The following KCNU1 variants were observed in gnomAD, a reference collection of about 807,000 sequenced individuals.
KCNU1 encodes potassium channel subfamily U member 1.
A neutral mutation model predicts 126.8 loss-of-function variants in KCNU1; 93 were observed. The observed-to-expected ratio is 0.73, with a 90% CI of 0.62 to 0.87. The LOEUF is 0.87. KCNU1 is among the 40% of genes least tolerant of loss of function. The pLI is 0.00. For synonymous variants in KCNU1, 523 were observed against 494.2 expected (o/e 1.06, Z -0.77); for missense variants, 1,330 against 1,367.1 (o/e 0.97, Z 0.43).
intron 2 of KCNU1, among the ~76,000 whole-genome samples, chr8:36,802,611 G>C (rs1803352932): frequency 6.6e-6 from 1 of 152,144 alleles, no homozygotes; most frequent in Non-Finnish European, 1.5e-5. Flanking sequence ...AGGAGGGTGA[G>C]AAGTAGTGAG....
intron 20 of KCNU1, among the ~76,000 whole-genome samples, chr8:36,906,721 T>C (rs1402519364): frequency 6.6e-6 from 1 of 152,196 alleles, no homozygotes; most frequent in Admixed American, 6.6e-5. Flanking sequence ...TCAGTGCCAG[T>C]GTCCTGACAG....
intron 24 of KCNU1, among the ~76,000 whole-genome samples, chr8:36,930,538 T>G (rs1357981515): frequency 6.6e-6 from 1 of 152,118 alleles, no homozygotes; most frequent in African/African-American, 2.4e-5. Context: ...AATAATATCA[T>G]TAGTTCCCCA....
At chr8:36,789,602 A>AG (rs1418752977) in intron 2 of KCNU1, among the ~76,000 whole-genome samples, 1 of 152,184 alleles carries the variant, frequency 6.6e-6, no homozygotes, top group East Asian at 1.9e-4. Context: ...CTTAAATTCT[A>AG]GTGGGGGTAG....
At chr8:36,866,386 C>T (rs1032268664) in intron 19 of KCNU1, among the ~76,000 whole-genome samples, 2 of 152,082 alleles carry the variant, frequency 1.3e-5, no homozygotes, top group Non-Finnish European at 2.9e-5. Flanking sequence ...ACCAATTTTC[C>T]CTTCCTTTTA....
At chr8:36,912,624 G>A (rs915267074) in intron 22 of KCNU1, among the ~76,000 whole-genome samples, 4 of 152,090 alleles carry the variant, frequency 2.6e-5, no homozygotes, top group African/African-American at 9.7e-5. Flanking sequence ...GTGTGTGTGT[G>A]CATGTGCATG....
At chr8:36,794,292 A>G (rs1445322616) in intron 2 of KCNU1, among the ~76,000 whole-genome samples, 1 of 150,478 alleles carries the variant, frequency 6.6e-6, no homozygotes, top group Non-Finnish European at 1.5e-5. Flanking sequence ...CCCTTTCCTC[A>G]TGGGTCATGT....
intron 2 of KCNU1, among the ~76,000 whole-genome samples, chr8:36,792,931 T>C (rs1802955761): frequency 1.3e-5 from 2 of 152,130 alleles, no homozygotes; most frequent in South Asian, 2.1e-4. Context: ...TTGAACCCTG[T>C]CTCATTCTAA....
At chr8:36,818,609 C>A (rs546896224) in intron 10 of KCNU1, among the ~76,000 whole-genome samples, 1 of 152,158 alleles carries the variant, frequency 6.6e-6, no homozygotes, top group South Asian at 2.1e-4. Flanking sequence ...AGAGAATTAA[C>A]TTCTTTACTT....
chr8:36,861,938 A>G (rs1805744202), intron 18 of KCNU1, among the ~76,000 whole-genome samples: 2 of 152,150 alleles, frequency 1.3e-5, no homozygotes, highest in South Asian at 4.1e-4. Context: ...TGTATTTAGA[A>G]GGACTTTCAT....
chr8:36,875,421 T>C (rs1172300522), intron 19 of KCNU1, among the ~76,000 whole-genome samples: 1 of 149,054 alleles, frequency 6.7e-6, no homozygotes, highest in Non-Finnish European at 1.5e-5. Context: ...TATGTTATTA[T>C]ATATAACATA....
chr8:36,847,191 G>A (rs1805182103), intron 18 of KCNU1, among the ~76,000 whole-genome samples: 1 of 152,036 alleles, frequency 6.6e-6, no homozygotes, highest in Non-Finnish European at 1.5e-5. Context: ...AGTAGTCCTT[G>A]TCTTTTCATT....
chr8:36,845,620 A>G lies in KCNU1; in HGVS notation c.1744A>G (p.Lys582Glu), dbSNP rs1317368665. ...LNPPPQVRIR[K>E]NTLGFFIAET... is the part of the protein sequence containing the mutation. ...TCCACCTCCACAAGTGAGGATACGTAAGAACACATTAGGGTTCTTTATTGC... is the reference window on the plus strand; with the variant it reads ...TCCACCTCCACAAGTGAGGATACGTGAGAACACATTAGGGTTCTTTATTGC... The change falls in exon 17 of 27, where the codon AAG becomes GAG. Residue 582 changes from lysine (K) to glutamate (E), a missense_variant. Physicochemically the swap from Lys to Glu is moderately conservative, Grantham distance 56. This residue lies in a region of KCNU1 where 1,054 missense variants were observed against 1,053.9 expected (regional missense o/e 1.00). Coordinates refer to ENST00000399881, the MANE Select transcript of KCNU1 (RefSeq NM_001031836.3). 2 of 1,611,038 alleles carry G rather than the reference A, an allele frequency of 1.2e-6. No homozygotes were observed. The highest frequency in any genetic ancestry group is 2.7e-5 in the African/African-American group (2 of 74,866).
intron 19 of KCNU1, among the ~76,000 whole-genome samples, chr8:36,893,249 C>T (rs181074190): frequency 4.0e-4 from 60 of 151,740 alleles, no homozygotes; most frequent in African/African-American, 1.3e-3. Flanking sequence ...GCTGGGATTA[C>T]AGGCATGAGC....
intron 2 of KCNU1, among the ~76,000 whole-genome samples, chr8:36,791,685 C>T (rs1414049307): frequency 3.3e-5 from 5 of 152,000 alleles, no homozygotes. Flanking sequence ...ATTTCAAAAA[C>T]GGTGCCTGGA....
chr8:36,813,481 G>A (rs1803796373), intron 7 of KCNU1, among the ~76,000 whole-genome samples: 1 of 150,426 alleles, frequency 6.6e-6, no homozygotes, highest in South Asian at 2.1e-4. Context: ...AACTATACAT[G>A]TATAAATGTA....
chr8:36,801,500 G>GT (rs1218953642), intron 2 of KCNU1, among the ~76,000 whole-genome samples: 1 of 151,208 alleles, frequency 6.6e-6, no homozygotes, highest in African/African-American at 2.4e-5. Flanking sequence ...GGTTGTAAAC[G>GT]TAAGTAATAT....
intron 19 of KCNU1, among the ~76,000 whole-genome samples, chr8:36,887,669 ATTAG>A (rs1158931911): frequency 6.6e-6 from 1 of 152,128 alleles, no homozygotes; most frequent in Non-Finnish European, 1.5e-5. Flanking sequence ...TAGAACAGAG[ATTAG>A]TTAGTCAGAA....
At chr8:36,852,224 T>G (rs934374081) in intron 18 of KCNU1, among the ~76,000 whole-genome samples, 12 of 152,160 alleles carry the variant, frequency 7.9e-5, no homozygotes, top group African/African-American at 2.9e-4. Context: ...GAAATCTCAC[T>G]TGGTCATAGA....
rs185861436 is a variant in KCNU1 at position 36,834,548 on chromosome 8, T to A, written c.1213-238T>A. Among the ~76,000 whole-genome samples the A allele has an allele frequency of 2.4e-3, 369 of 152,298 alleles. 3 individuals are homozygous for A. The highest frequency in any genetic ancestry group is 8.5e-3 in the African/African-American group (354 of 41,576). On this transcript the variant is annotated intron_variant, in intron 11 of 26. Transcript: ENST00000399881. Reference sequence around the variant, plus strand: ...CCTTATTTTACCCATTTGAAAGCAATCTTTTACCTATGTCAGAGACCCTGT... The same window carrying A: ...CCTTATTTTACCCATTTGAAAGCAAACTTTTACCTATGTCAGAGACCCTGT...
Sources: allele counts gnomAD v4.1 joint callset (sites outside exome capture counted in the v4.1 genomes callset), GRCh38; gene constraint gnomAD v4.1.1; regional missense constraint gnomAD v4.1.1; transcripts MANE v1.5; gene names NCBI Gene and HGNC (gene_info 2026-07-23, HGNC 2026-07-21).